The following ATG7 variants were observed in gnomAD, a reference collection of about 807,000 sequenced individuals.
ATG7 encodes the protein autophagy related 7.
Under a neutral mutation model 82.4 loss-of-function variants are expected in ATG7, and 70 were observed. That is an observed-to-expected ratio of 0.85 (90% confidence interval 0.70 to 1.04). The LOEUF (loss-of-function observed/expected upper bound fraction) is 1.04. ATG7 is among the 50% of genes least tolerant of loss of function. ATG7 has a pLI of 0.00. For missense variants in ATG7, 792 were observed against 864.3 expected (o/e 0.92, Z 1.05); for synonymous variants, 287 against 313.0 (o/e 0.92, Z 0.88).
At chr3:11,299,266 G>A in intron 4 of ATG7, 96 bp from the exon 5 acceptor site, 1 of 1,263,440 alleles carries the variant, frequency 7.9e-7, no homozygotes, top group Admixed American at 1.7e-5. Context: ...GGCGCCTTGG[G>A]CTCAACAAAG....
chr3:11,372,846 G>A (rs1209554409), intron 18 of ATG7, among the ~76,000 whole-genome samples: 3 of 118,040 alleles, frequency 2.5e-5, no homozygotes, highest in East Asian at 2.5e-4. Flanking sequence ...GCGTGCGTGC[G>A]TGTGCGTGTG....
Position 11,299,421 on chromosome 3 carries a change from G to A in ATG7, c.215+5G>A, listed in dbSNP as rs1946440621. On this transcript the variant is annotated splice_donor_5th_base_variant and intron_variant, in intron 5 of 20. Coordinates refer to ENST00000693202, the MANE Select transcript of ATG7 (RefSeq NM_001349232.2). ...GGAGTTCAGTGCTTTTGACATGTGA[G>A]TATTTATTTGTTCAAAATCTGAAGT... is the stretch of plus-strand genomic sequence containing the variant. The A allele has an allele frequency of 1.2e-6, 2 of 1,606,456 alleles. No homozygotes were observed. Among genetic ancestry groups the A allele is most frequent in the East Asian group, 2.2e-5 (1 of 44,836 alleles).
At chr3:11,523,927 G>T (rs2092507459) in intron 20 of ATG7, among the ~76,000 whole-genome samples, 1 of 152,122 alleles carries the variant, frequency 6.6e-6, no homozygotes, top group Non-Finnish European at 1.5e-5. Context: ...AACACTTCAT[G>T]GTCCCCAGCC....
Position 11,555,140 on chromosome 3 carries a change from G to A in ATG7, c.*297G>A. The A allele has an allele frequency of 2.3e-6, 1 of 438,258 alleles. No individual in the cohort carries two copies. Among genetic ancestry groups the A allele is most frequent in the East Asian group, 4.1e-5 (1 of 24,640 alleles). 27.1% of individuals were successfully genotyped at this position (438,258 alleles called of 1,614,324 possible). A position where few individuals can be genotyped will look rare whatever the true frequency, so the allele number is the denominator to read the frequency against. On this transcript the variant is annotated 3_prime_UTR_variant, in exon 21 of 21. Transcript: ENST00000693202. ...CACAGTGACTGATAGCCATCCCCCA[G>A]GATCCTTTCCCCTTGGCCCTGAGGG...
Position 11,352,634 on chromosome 3 carries a change from G to A in ATG7, c.1284+4599G>A, listed in dbSNP as rs551087915. ...CATCACCTTCCTTCTACCAGGCCAC[G>A]GAGAAAAGGCTTGACCTAAGTAAAC... On this transcript the variant is annotated intron_variant, in intron 14 of 20. Coordinates refer to ENST00000693202, the MANE Select transcript of ATG7 (RefSeq NM_001349232.2). 8.5e-5 allele frequency among the ~76,000 whole-genome samples: 13 copies of A among 152,288 alleles called. No individual in the cohort carries two copies. The South Asian group carries it at 1.7e-3, about 19-fold the overall frequency.
intron 19 of ATG7, among the ~76,000 whole-genome samples, chr3:11,416,796 G>T (rs2081406315): frequency 6.6e-6 from 1 of 152,026 alleles, no homozygotes; most frequent in African/African-American, 2.4e-5. Context: ...TCAGATGATT[G>T]ATTTTAGGTC....
chr3:11,329,031 G>A (rs918693055), intron 9 of ATG7, among the ~76,000 whole-genome samples: 9 of 152,200 alleles, frequency 5.9e-5, no homozygotes, highest in Non-Finnish European at 1.0e-4. Context: ...TGAGGTGGAG[G>A]TTGCAGTGAG....
intron 20 of ATG7, among the ~76,000 whole-genome samples, chr3:11,548,162 TTG>T (rs1382892655): frequency 6.6e-6 from 1 of 152,170 alleles, no homozygotes; most frequent in Non-Finnish European, 1.5e-5. Context: ...CATTTTTAAA[TTG>T]TGTTTTCTTT....
At chr3:11,562,497 A>C (rs1279451515), downstream of ATG7, among the ~76,000 whole-genome samples, 3 of 152,006 alleles carry the variant, frequency 2.0e-5, no homozygotes, top group African/African-American at 7.2e-5. Context: ...CCCCCTCCCC[A>C]CTGCCATTTC....
rs932644204 is a variant in ATG7 at position 11,360,513 on chromosome 3, T to C, written c.1480-68T>C. 55 of 1,468,110 alleles carry C rather than the reference T, an allele frequency of 3.7e-5. No homozygotes were observed. The African/African-American group carries it at 6.2e-4, about 17-fold the overall frequency. 90.9% of individuals were successfully genotyped at this position (1,468,110 alleles called of 1,614,324 possible). On this transcript the variant is annotated intron_variant, in intron 15 of 20. Coordinates refer to ENST00000693202, the MANE Select transcript of ATG7 (RefSeq NM_001349232.2). ...TAAATTTTAAAAAGTTGAGCAAATATGGAATTAGCCACAGCTTGAAATATA... is the reference window on the plus strand; with the variant it reads ...TAAATTTTAAAAAGTTGAGCAAATACGGAATTAGCCACAGCTTGAAATATA...
chr3:11,405,715 C>G (rs1300897188), intron 19 of ATG7, among the ~76,000 whole-genome samples: 11 of 152,096 alleles, frequency 7.2e-5, no homozygotes, highest in Admixed American at 4.6e-4. Context: ...GCAGCCTCAA[C>G]TTCCCAGGCT....
chr3:11,503,104 G>A (rs2091460374), intron 20 of ATG7, among the ~76,000 whole-genome samples: 1 of 152,160 alleles, frequency 6.6e-6, no homozygotes, highest in South Asian at 2.1e-4. Flanking sequence ...TTCCAGGCAG[G>A]AGAGTGGGCA....
intron 20 of ATG7, among the ~76,000 whole-genome samples, chr3:11,497,373 ATATATATATAT>A (rs1237397386): frequency 1.7e-5 from 2 of 115,550 alleles, no homozygotes; most frequent in Admixed American, 1.9e-4. Flanking sequence ...ATATATATAT[ATATATATATAT>A]ATATATATTT....
chr3:11,418,270 AT>A (rs551384190), intron 19 of ATG7, among the ~76,000 whole-genome samples: 184 of 141,320 alleles, frequency 1.3e-3, no homozygotes, highest in Admixed American at 2.1e-3. Context: ...ATACCTGGCT[AT>A]TTTTTTTTTT....
chr3:11,354,509 C>T (rs2344133), intron 14 of ATG7, among the ~76,000 whole-genome samples: 80 of 151,706 alleles, frequency 5.3e-4, no homozygotes, highest in Admixed American at 9.8e-4. Flanking sequence ...ATTAGCTGGG[C>T]GTGGTGGCGC....
intron 20 of ATG7, among the ~76,000 whole-genome samples, chr3:11,456,171 CG>C (rs2085691458): frequency 1.3e-5 from 2 of 152,174 alleles, no homozygotes; most frequent in African/African-American, 4.8e-5. Context: ...TAACCCTGAG[CG>C]ATGACTAATC....
At position 11,306,979 on chromosome 3, in the gene ATG7, T is replaced by G; in HGVS notation, c.252T>G (p.Ile84Met). 6.2e-7 allele frequency: 1 copy of G among 1,614,092 alleles called. No individual in the cohort carries two copies. Among genetic ancestry groups the G allele is most frequent in the Non-Finnish European group, 8.5e-7 (1 of 1,179,988 alleles). The stretch of plus-strand genomic sequence containing the variant: ...CCCCAGCCCGTTGCTGCCCAGCTAT[T>G]GGAACACTGTATAACACCAACACAC... ...APTPARCCPA[I>M]GTLYNTNTLE... Residue 84 changes from isoleucine to methionine, a missense_variant, in exon 6 of 21, where the codon ATT becomes ATG. By Grantham distance (10) the Ile-to-Met change is conservative (BLOSUM62 1). Coordinates refer to ENST00000693202, the MANE Select transcript of ATG7 (RefSeq NM_001349232.2).
chr3:11,389,074 C>T (rs1257274096), intron 19 of ATG7, among the ~76,000 whole-genome samples: 1 of 151,616 alleles, frequency 6.6e-6, no homozygotes, highest in Non-Finnish European at 1.5e-5. Flanking sequence ...ATGGCGAAAC[C>T]CTGTCTCTAC....
At chr3:11,311,553 G>C (rs190597885) in intron 7 of ATG7, among the ~76,000 whole-genome samples, 1 of 149,770 alleles carries the variant, frequency 6.7e-6, no homozygotes, top group Non-Finnish European at 1.5e-5. Flanking sequence ...AGTGAGCTGA[G>C]ATCGTCGTGC....
Sources: allele counts gnomAD v4.1 joint callset (sites outside exome capture counted in the v4.1 genomes callset), GRCh38; gene constraint gnomAD v4.1.1; transcripts MANE v1.5; gene names NCBI Gene and HGNC (gene_info 2026-07-23, HGNC 2026-07-21).